The following GLP1R variants were observed in gnomAD, a reference collection of about 807,000 sequenced individuals.
GLP1R encodes glucagon like peptide 1 receptor.
In GLP1R, 32 loss-of-function variants were observed where a neutral mutation model predicts 68.4. The observed-to-expected ratio is 0.47, with a 90% CI of 0.35 to 0.63. The LOEUF (loss-of-function observed/expected upper bound fraction) is 0.63, where lower values mean the gene tolerates loss of function less well. Among genes scored for constraint, GLP1R ranks in the 20% least tolerant of loss-of-function variants. The probability of loss-of-function intolerance (pLI) is 0.00; values close to 1 mark genes in which losing one functional copy is unlikely to be tolerated. For synonymous variants in GLP1R, 263 were observed against 244.4 expected (o/e 1.08, Z -0.71); for missense variants, 502 against 594.9 (o/e 0.84, Z 1.62).
chr6:39,072,590 G>T (rs184201440), intron 5 of GLP1R, among the ~76,000 whole-genome samples: 147 of 152,334 alleles, frequency 9.6e-4, no homozygotes, highest in Middle Eastern at 3.4e-3. Flanking sequence ...GCAAGACTTT[G>T]TGTCAAAGAA....
At chr6:39,068,774 G>A (rs531343959) in intron 5 of GLP1R, among the ~76,000 whole-genome samples, 151 of 152,256 alleles carry the variant, frequency 9.9e-4, no homozygotes, top group African/African-American at 3.6e-3. Flanking sequence ...GACTTCCAAT[G>A]CCTCACAGTG....
chr6:39,058,702 C>A (rs541371299), intron 3 of GLP1R, among the ~76,000 whole-genome samples: 119 of 152,280 alleles, frequency 7.8e-4, no homozygotes, highest in African/African-American at 2.8e-3. Flanking sequence ...TCATAGCCAG[C>A]ATTTATTGAG....
chr6:39,079,259 C>CAG lies in GLP1R; in HGVS notation c.1043+75_1043+76dup, dbSNP rs5875654. On this transcript the variant is annotated intron_variant, in intron 10 of 12. Transcript: ENST00000373256. This position sits in a 1 kb window ranked among gnomAD's most constrained non-coding sequence, Gnocchi z 4.5. ...TCAGCAAGTGCCCCTTTCCTTCTAG[C>CAG]AGAGAGAGAGAGAGAGATCCTGGGA... 417 of 1,107,294 alleles carry CAG rather than the reference C, an allele frequency of 3.8e-4. No individual in the cohort carries two copies. The highest frequency in any genetic ancestry group is 4.8e-4 in the Non-Finnish European group (348 of 723,362). 68.6% of individuals were successfully genotyped at this position (1,107,294 alleles called of 1,614,324 possible). A position where few individuals can be genotyped will look rare whatever the true frequency, so the allele number is the denominator to read the frequency against.
intron 3 of GLP1R, 80 bp from the exon 4 acceptor site, chr6:39,065,631 G>C: frequency 1.3e-6 from 1 of 798,842 alleles, no homozygotes; most frequent in South Asian, 1.6e-5. Context: ...CCCTCAGAAT[G>C]GGGAGGAAGG....
chr6:39,084,865 A>G (rs1165695222), intron 12 of GLP1R, among the ~76,000 whole-genome samples: 2 of 152,150 alleles, frequency 1.3e-5, no homozygotes, highest in Non-Finnish European at 2.9e-5. Context: ...TTGTTTGCAC[A>G]GGGGCTGGTG....
At chr6:39,078,844 G>C in intron 8 of GLP1R, 113 bp from the exon 9 acceptor site, 1 of 889,562 alleles carries the variant, frequency 1.1e-6, no homozygotes, top group Non-Finnish European at 1.9e-6. Context: ...CCTGGGAGCT[G>C]TGTGTGTGGC....
chr6:39,070,179 A>G (rs4711574), intron 5 of GLP1R, among the ~76,000 whole-genome samples: 24,504 of 152,254 alleles, frequency 0.16, 2,334 homozygotes, highest in Admixed American at 0.26. Flanking sequence ...CTATCATTGC[A>G]TTAAGGATTA....
At chr6:39,051,787 T>C (rs1768094259) in intron 1 of GLP1R, among the ~76,000 whole-genome samples, 1 of 151,540 alleles carries the variant, frequency 6.6e-6, no homozygotes, top group African/African-American at 2.4e-5. Flanking sequence ...TGGGAATGAG[T>C]CCCTGTGTGT....
rs1769167074 is a variant in GLP1R at position 39,086,948 on chromosome 6, TC to T, written c.*877del. The stretch of plus-strand genomic sequence containing the variant: ...CTGTGGGTGTAGATTACCTGCCACT[TC>T]CAGGAGCCCAGAGGGCCAAGAGAGA... On this transcript the variant is annotated 3_prime_UTR_variant, in exon 13 of 13. Coordinates refer to ENST00000373256, the MANE Select transcript of GLP1R (RefSeq NM_002062.5). This position sits in a 1 kb window ranked among gnomAD's most constrained non-coding sequence, Gnocchi z 4.5. 1 of 152,036 alleles carries T rather than the reference TC, an allele frequency of 6.6e-6. No individual in the cohort carries two copies. The highest frequency in any genetic ancestry group is 1.5e-5 in the Non-Finnish European group (1 of 67,906). The allele number at this position is 152,036 out of a possible 1,614,324, so 9.4% of individuals were successfully genotyped here.
At chr6:39,063,707 T>C (rs1222285697) in intron 3 of GLP1R, among the ~76,000 whole-genome samples, 2 of 152,040 alleles carry the variant, frequency 1.3e-5, no homozygotes, top group African/African-American at 4.8e-5. Flanking sequence ...GGGATCAGGG[T>C]TAGGGGAGGG....
At chr6:39,060,322 G>A (rs1177738188) in intron 3 of GLP1R, among the ~76,000 whole-genome samples, 1 of 152,184 alleles carries the variant, frequency 6.6e-6, no homozygotes, top group Non-Finnish European at 1.5e-5. Context: ...GTTATCTCAG[G>A]CAGGGTCCTG....
rs145619754 is a variant in GLP1R, at chr6:39,073,748, C to T, written c.802C>T (p.Leu268Phe). The change falls in exon 7 of 13, where the codon CTC becomes TTC. Residue 268 changes from leucine (L) to phenylalanine (F), a missense_variant. Coordinates refer to ENST00000373256, the MANE Select transcript of GLP1R (RefSeq NM_002062.5). The part of the protein sequence containing the change: ...SVLSEQWIFR[L>F]YVSIGWGVPL... ...CTTATCTGAGCAATGGATCTTCAGGCTCTACGTGAGCATAGGCTGGGGTAA... is the reference window on the plus strand; with the variant it reads ...CTTATCTGAGCAATGGATCTTCAGGTTCTACGTGAGCATAGGCTGGGGTAA... 494 of 1,614,026 alleles carry T rather than the reference C, an allele frequency of 3.1e-4. No homozygotes were observed. In the Middle Eastern group the frequency reaches 3.5e-3, roughly 11 times the overall value.
rs778024660 is a variant in GLP1R, at chr6:39,085,930, T to G, written c.1249T>G (p.Trp417Gly). ...NEVQLEFRKSWERWRLEHLHI... is the reference protein window; with the variant it reads ...NEVQLEFRKSGERWRLEHLHI... ...GGTCCAGCTGGAATTTCGGAAGAGCTGGGAGCGCTGGCGGCTTGAGCACTT... is the reference window on the plus strand; with the variant it reads ...GGTCCAGCTGGAATTTCGGAAGAGCGGGGAGCGCTGGCGGCTTGAGCACTT... Residue 417 changes from tryptophan (W) to glycine (G), a missense_variant, in exon 13 of 13, where the codon TGG becomes GGG. Physicochemically the swap from Trp to Gly is radical, Grantham distance 184. Transcript: ENST00000373256. 3.1e-6 allele frequency: 5 copies of G among 1,613,746 alleles called. No individual in the cohort carries two copies. The African/African-American group carries it at 6.7e-5, about 22-fold the overall frequency.
chr6:39,077,331 A>T (rs144252960), intron 7 of GLP1R, among the ~76,000 whole-genome samples: 1 of 152,318 alleles, frequency 6.6e-6, no homozygotes, highest in Non-Finnish European at 1.5e-5. Context: ...GGTTGCTGTC[A>T]TCTCAAGGCT....
chr6:39,066,326 A>G, intron 5 of GLP1R, 23 bp downstream of exon 5: 1 of 1,352,986 alleles, frequency 7.4e-7, no homozygotes, highest in Non-Finnish European at 1.1e-6. Context: ...GGACCCTGGG[A>G]GGGGGCTGCT....
chr6:39,052,321 A>C (rs186272446), intron 1 of GLP1R, among the ~76,000 whole-genome samples: 27 of 152,264 alleles, frequency 1.8e-4, no homozygotes, highest in Admixed American at 1.4e-3. Context: ...GGGTCTGTTG[A>C]TGGAAGGGGT....
chr6:39,081,524 G>A (rs1219263843), intron 12 of GLP1R, among the ~76,000 whole-genome samples: 2 of 152,190 alleles, frequency 1.3e-5, no homozygotes, highest in African/African-American at 2.4e-5. Context: ...TGGGAGGAGG[G>A]CATGGCTGTG....
At chr6:39,052,206 G>T (rs780190491) in intron 1 of GLP1R, among the ~76,000 whole-genome samples, 1 of 151,816 alleles carries the variant, frequency 6.6e-6, no homozygotes, top group Non-Finnish European at 1.5e-5. Flanking sequence ...CTGTCCTTTC[G>T]TTCAGATATC....
At chr6:39,074,676 C>T (rs10305483) in intron 7 of GLP1R, among the ~76,000 whole-genome samples, 6,160 of 152,164 alleles carry the variant, frequency 0.04, 202 homozygotes, top group South Asian at 0.12. Flanking sequence ...CACGGACCTC[C>T]GGGGACTTTC....
Sources: gnomAD v4.1 joint callset for allele counts (sites outside exome capture counted in the v4.1 genomes callset) on GRCh38, gnomAD v4.1.1 for gene constraint, Gnocchi (gnomAD v3.1) non-coding constraint, MANE v1.5 for transcripts, NCBI Gene and HGNC (gene_info 2026-07-23, HGNC 2026-07-21) for gene names.